The following RPTOR variants were observed in gnomAD, a reference collection of about 807,000 sequenced individuals.
RPTOR encodes regulatory associated protein of MTOR complex 1.
RPTOR carries 21 observed loss-of-function variants against 169.9 expected under a neutral mutation model. The observed-to-expected ratio is 0.12, with a 90% CI of 0.09 to 0.18. The LOEUF is 0.18. Among genes scored for constraint, RPTOR ranks in the 10% least tolerant of loss-of-function variants. The pLI is 1.00. For missense variants in RPTOR, 1,133 were observed against 1,855.9 expected (o/e 0.61, Z 7.16); for synonymous variants, 732 against 753.2 (o/e 0.97, Z 0.46).
intron 3 of RPTOR, among the ~76,000 whole-genome samples, chr17:80,701,962 G>T (rs1273022125): frequency 6.6e-6 from 1 of 152,116 alleles, no homozygotes; most frequent in Non-Finnish European, 1.5e-5. Flanking sequence ...CTTCTAGCGG[G>T]ACCATGCCGC....
At chr17:80,816,980 C>T (rs1223456656) in intron 7 of RPTOR, among the ~76,000 whole-genome samples, 2 of 152,184 alleles carry the variant, frequency 1.3e-5, no homozygotes, top group Non-Finnish European at 2.9e-5. Flanking sequence ...GGAAGACACA[C>T]CCTCATAGAG....
Position 80,723,492 on chromosome 17 carries a change from A to G in RPTOR, c.508-7068A>G, listed in dbSNP as rs2143169725. ...TTTACTTCTTGGGTTATAATCCATT[A>G]TTATTATCATTATTTATTTTGTTAC... On this transcript the variant is annotated intron_variant, in intron 4 of 33. Coordinates refer to ENST00000306801, the MANE Select transcript of RPTOR (RefSeq NM_020761.3). 1.3e-5 allele frequency among the ~76,000 whole-genome samples: 2 copies of G among 151,442 alleles called. 1 individual carries two copies. Among genetic ancestry groups the G allele is most frequent in the African/African-American group, 4.9e-5 (2 of 40,718 alleles).
chr17:80,854,379 CG>C (rs1555627307), intron 11 of RPTOR, among the ~76,000 whole-genome samples: 1 of 152,200 alleles, frequency 6.6e-6, no homozygotes, highest in Non-Finnish European at 1.5e-5. Flanking sequence ...AGAGTCACAC[CG>C]CAGTGAGCGC....
chr17:80,795,300 A>G (rs2067090107), intron 7 of RPTOR, among the ~76,000 whole-genome samples: 1 of 152,214 alleles, frequency 6.6e-6, no homozygotes, highest in South Asian at 2.1e-4. Context: ...GGATTGAAAA[A>G]GAGAAGCAAA....
chr17:80,612,486 TAA>T (rs2065278404), intron 1 of RPTOR, among the ~76,000 whole-genome samples: 1 of 152,244 alleles, frequency 6.6e-6, no homozygotes, highest in African/African-American at 2.4e-5. Context: ...GTCTAGTTAT[TAA>T]ATTCTGTGTT....
Position 80,950,625 on chromosome 17 carries a change from T to C in RPTOR, c.3370+1078T>C, listed in dbSNP as rs1598420616. 2.6e-5 allele frequency among the ~76,000 whole-genome samples: 4 copies of C among 152,222 alleles called. No homozygotes were observed. The East Asian group carries it at 7.8e-4, about 30-fold the overall frequency. ...CCTGATCTCTGGGCTCTGCTTCCCCTGCGAGGCAACCCTCTTCTGGGGTAT... is the reference window on the plus strand; with the variant it reads ...CCTGATCTCTGGGCTCTGCTTCCCCCGCGAGGCAACCCTCTTCTGGGGTAT... On this transcript the variant is annotated intron_variant, in intron 28 of 33. Transcript: ENST00000306801.
In RPTOR at chr17:80,572,977, G is replaced by A. The variant is rs186844058; in HGVS notation, c.162+27186G>A. Reference sequence around the variant, plus strand: ...CCTGTTTAAGTTTTGTATAAACTTTGTGTATGGTTTAAGGTGGGGATCTAG... The same window carrying A: ...CCTGTTTAAGTTTTGTATAAACTTTATGTATGGTTTAAGGTGGGGATCTAG... On this transcript the variant is annotated intron_variant, in intron 1 of 33. Coordinates refer to ENST00000306801, the MANE Select transcript of RPTOR (RefSeq NM_020761.3). Among the ~76,000 whole-genome samples, 315 of 152,126 alleles carry A rather than the reference G, an allele frequency of 2.1e-3. 2 individuals are homozygous for A. The highest frequency in any genetic ancestry group is 7.4e-3 in the African/African-American group (306 of 41,494).
At chr17:80,774,377 C>T (rs1038564352) in intron 6 of RPTOR, 1 of 982,262 alleles carries the variant, frequency 1.0e-6, no homozygotes, top group East Asian at 1.1e-4. Context: ...ACAGAGTATT[C>T]TCCCTTATGG....
rs144264412 is a variant in RPTOR, at chr17:80,777,403, A to C, written c.831-14047A>C. 4.1e-3 allele frequency among the ~76,000 whole-genome samples: 620 copies of C among 152,268 alleles called. 3 individuals carry two copies. Among genetic ancestry groups the C allele is most frequent in the African/African-American group, 0.014 (591 of 41,552 alleles). On this transcript the variant is annotated intron_variant, in intron 6 of 33. Transcript: ENST00000306801. ...AAAACTATTAAAAACTTGAATATTC[A>C]AGCAGGACTAGAGAAAGTGTCTCTG...
rs748282097 is a variant in RPTOR at position 80,925,506 on chromosome 17, G to A, written c.2919+26G>A. On this transcript the variant is annotated intron_variant, in intron 24 of 33. Coordinates refer to ENST00000306801, the MANE Select transcript of RPTOR (RefSeq NM_020761.3). The stretch of plus-strand genomic sequence containing the variant: ...GTGCGCCCGGGGTGTGGGGTTCAGA[G>A]TAGAGTCCTAGCGAACATGTGTCTG... 3.8e-6 allele frequency: 6 copies of A among 1,562,200 alleles called. No individual in the cohort carries two copies. The African/African-American group carries it at 8.1e-5, about 21-fold the overall frequency.
chr17:80,841,178 G>C (rs1343519628), intron 10 of RPTOR, among the ~76,000 whole-genome samples: 22 of 44,286 alleles, frequency 5.0e-4, no homozygotes, highest in Admixed American at 7.1e-4. Context: ...CTCACCGCAC[G>C]GCAGCTCACA....
At chr17:80,759,701 T>C (rs1472391676) in intron 6 of RPTOR, among the ~76,000 whole-genome samples, 1 of 151,132 alleles carries the variant, frequency 6.6e-6, no homozygotes, top group Non-Finnish European at 1.5e-5. Flanking sequence ...AATGGAAGAG[T>C]GAGATAGTTT....
At chr17:80,672,098 G>A (rs981449764) in intron 3 of RPTOR, among the ~76,000 whole-genome samples, 15 of 152,126 alleles carry the variant, frequency 9.9e-5, no homozygotes, top group Admixed American at 9.8e-4. Flanking sequence ...ACTATATTAC[G>A]AAGTGTTCTG....
chr17:80,949,626 G>GA, intron 28 of RPTOR, 79 bp downstream of exon 28: 1 of 1,198,768 alleles, frequency 8.3e-7, no homozygotes. Flanking sequence ...AGGCCCTTCT[G>GA]GGGCTGTCTC....
At chr17:80,739,925 G>T (rs1409876311) in intron 5 of RPTOR, among the ~76,000 whole-genome samples, 4 of 151,864 alleles carry the variant, frequency 2.6e-5, no homozygotes, top group Non-Finnish European at 5.9e-5. Context: ...GCAGTCAGAA[G>T]AAAGGAAATA....
chr17:80,792,494 G>A (rs1028739705), intron 7 of RPTOR, among the ~76,000 whole-genome samples: 7 of 152,126 alleles, frequency 4.6e-5, no homozygotes, highest in Non-Finnish European at 8.8e-5. Flanking sequence ...CAGGAAGGCC[G>A]GGGAAGCGAC....
At position 80,894,330 on chromosome 17, in the gene RPTOR, C is replaced by T. The variant is rs2068371571; in HGVS notation, c.2401+465C>T. 5.3e-5 allele frequency among the ~76,000 whole-genome samples: 8 copies of T among 152,200 alleles called. No individual in the cohort carries two copies. In the South Asian group the frequency reaches 1.7e-3, roughly 31 times the overall value. ...ATCCCCTGGTGCCCAGGACAGCCCC[C>T]ACACAGTGTCCGCAGTGAGAGGCGG... On this transcript the variant is annotated intron_variant, in intron 20 of 33. Coordinates refer to ENST00000306801, the MANE Select transcript of RPTOR (RefSeq NM_020761.3).
chr17:80,822,796 G>T (rs1052007795), intron 8 of RPTOR, among the ~76,000 whole-genome samples: 3 of 19,918 alleles, frequency 1.5e-4, no homozygotes, highest in African/African-American at 8.5e-4. Context: ...ATGTGTGTGC[G>T]TGTATTTGTG....
chr17:80,875,024 C>T (rs1489108842), intron 13 of RPTOR, among the ~76,000 whole-genome samples: 1 of 152,214 alleles, frequency 6.6e-6, no homozygotes, highest in African/African-American at 2.4e-5. Flanking sequence ...CGTGAAATGG[C>T]TCAGGGCTTG....
Sources: gnomAD v4.1 joint callset for allele counts (sites outside exome capture counted in the v4.1 genomes callset) on GRCh38, gnomAD v4.1.1 for gene constraint, MANE v1.5 for transcripts, NCBI Gene and HGNC (gene_info 2026-07-23, HGNC 2026-07-21) for gene names.